Variants in PKP4 observed in about 807,000 individuals in gnomAD.
PKP4 encodes the protein plakophilin-4.
In PKP4, 90 loss-of-function variants were observed where a neutral mutation model predicts 145.1. The observed-to-expected ratio is 0.62, with a 90% confidence interval of 0.52 to 0.74. The LOEUF (loss-of-function observed/expected upper bound fraction) is 0.74, where lower values mean the gene tolerates loss of function less well. Ranked by LOEUF, PKP4 falls within the 30% of genes least tolerant of loss-of-function variation. The pLI, the probability that PKP4 is intolerant of heterozygous loss-of-function variation, is 0.00. For synonymous variants in PKP4, 563 were observed against 577.2 expected, an observed-to-expected ratio of 0.98 and a Z score of 0.35; for missense variants, 1,340 against 1,482.7, an observed-to-expected ratio of 0.90 and a Z score of 1.58.
chr2:158,597,765 T>C (rs1379512380), intron 3 of PKP4, among the ~76,000 whole-genome samples: 1 of 152,240 alleles, frequency 6.6e-6, no homozygotes, highest in Non-Finnish European at 1.5e-5. Flanking sequence ...GTTATATTCA[T>C]ATATAAATAT....
At chr2:158,648,037 T>C (rs1191036169) in intron 11 of PKP4, among the ~76,000 whole-genome samples, 1 of 152,204 alleles carries the variant, frequency 6.6e-6, no homozygotes, top group Non-Finnish European at 1.5e-5. Flanking sequence ...ATTGCACAAA[T>C]CTGGAGGCCT....
intron 1 of PKP4, among the ~76,000 whole-genome samples, chr2:158,532,185 G>A (rs1305295765): frequency 1.3e-5 from 2 of 152,188 alleles, no homozygotes; most frequent in African/African-American, 2.4e-5. Flanking sequence ...TAATAGTAGA[G>A]TAGTTTGCAA....
At chr2:158,593,407 G>A (rs1330910388) in intron 3 of PKP4, among the ~76,000 whole-genome samples, 1 of 152,070 alleles carries the variant, frequency 6.6e-6, no homozygotes, top group Non-Finnish European at 1.5e-5. Flanking sequence ...TTGTGGGATG[G>A]GCATAAACAG....
intron 2 of PKP4, among the ~76,000 whole-genome samples, chr2:158,544,693 A>G (rs2044824868): frequency 6.6e-6 from 1 of 152,292 alleles, no homozygotes; most frequent in East Asian, 1.9e-4. Context: ...GCTGTCATTC[A>G]GTTGTCTCTT....
In PKP4 at chr2:158,666,526, G is replaced by C; in HGVS notation, c.2691G>C (p.Arg897Ser). The C allele has an allele frequency of 1.2e-6, 2 of 1,613,380 alleles. No individual in the cohort carries two copies. The highest frequency in any genetic ancestry group is 1.7e-6 in the Non-Finnish European group (2 of 1,179,722). The change falls in exon 16 of 22, where the codon AGG becomes AGC. Residue 897 changes from arginine to serine, a missense_variant. Arg to Ser is a moderately radical substitution (Grantham distance 110). Transcript: ENST00000389759. ...RVVSSVATAL[R>S]NMALDVRNKE... ...TTTCTTCCGTGGCAACAGCCTTGAG[G>C]AATATGGCACTAGATGTTCGCAACA...
chr2:158,666,632 G>A, intron 16 of PKP4, 69 bp downstream of exon 16: 1 of 1,335,562 alleles, frequency 7.5e-7, no homozygotes. Flanking sequence ...CTCTTCTTTT[G>A]ATTAATAAAT....
chr2:158,609,881 T>G (rs1471810816), intron 4 of PKP4, among the ~76,000 whole-genome samples: 3 of 152,184 alleles, frequency 2.0e-5, no homozygotes, highest in Non-Finnish European at 4.4e-5. Context: ...GGTAGGACAT[T>G]TGAAAACAAA....
At chr2:158,622,962 AC>A (rs1459079681) in intron 6 of PKP4, among the ~76,000 whole-genome samples, 4 of 152,128 alleles carry the variant, frequency 2.6e-5, no homozygotes, top group Non-Finnish European at 5.9e-5. Flanking sequence ...TCATGTAAAC[AC>A]TTTTTTCTTT....
chr2:158,486,252 A>G (rs1311254411), intron 1 of PKP4, among the ~76,000 whole-genome samples: 1 of 152,200 alleles, frequency 6.6e-6, no homozygotes, highest in Non-Finnish European at 1.5e-5. Flanking sequence ...ATTATATTGT[A>G]TGAGGTATAG....
At chr2:158,546,903 A>G (rs1045592662) in intron 2 of PKP4, among the ~76,000 whole-genome samples, 8 of 152,174 alleles carry the variant, frequency 5.3e-5, no homozygotes, top group African/African-American at 1.9e-4. Flanking sequence ...AGGTACACAC[A>G]CTGGAAAGGA....
intron 15 of PKP4, among the ~76,000 whole-genome samples, chr2:158,664,861 C>A (rs1317459545): frequency 6.6e-6 from 1 of 152,156 alleles, no homozygotes; most frequent in Admixed American, 6.5e-5. Flanking sequence ...TGAGATACTC[C>A]CAGCACATAA....
Position 158,634,101 on chromosome 2 carries a change from C to T in PKP4, c.1374C>T (p.Ser458=). ...TTGGAAATCTACAAAGGACATCCAG[C>T]CAACGAAGTACCCTTACATACCAAA... ...VGIGNLQRTS[S]QRSTLTYQRN... The change falls in exon 9 of 22, where the codon AGC becomes AGT. Residue 458 remains serine (S), a synonymous_variant. Coordinates refer to ENST00000389759, the MANE Select transcript of PKP4 (RefSeq NM_003628.6). 2 of 1,613,134 alleles carry T rather than the reference C, an allele frequency of 1.2e-6. No homozygotes were observed. Among genetic ancestry groups the T allele is most frequent in the Non-Finnish European group, 1.7e-6 (2 of 1,179,078 alleles).
chr2:158,532,441 A>G (rs2043646879), intron 1 of PKP4, among the ~76,000 whole-genome samples: 1 of 152,230 alleles, frequency 6.6e-6, no homozygotes, highest in Admixed American at 6.5e-5. Context: ...TATGATAAAG[A>G]CTGTACTCAC....
At chr2:158,488,186 A>T (rs1449225958) in intron 1 of PKP4, among the ~76,000 whole-genome samples, 1 of 151,714 alleles carries the variant, frequency 6.6e-6, no homozygotes, top group African/African-American at 2.4e-5. Flanking sequence ...ACCAAATTAT[A>T]AAAAAAATTG....
intron 1 of PKP4, among the ~76,000 whole-genome samples, chr2:158,466,199 G>A (rs992464472): frequency 6.6e-6 from 1 of 152,104 alleles, no homozygotes; most frequent in Non-Finnish European, 1.5e-5. Flanking sequence ...TTGAATTCTA[G>A]TTTTGAACAC....
At chr2:158,552,392 C>T (rs2045708261) in intron 2 of PKP4, among the ~76,000 whole-genome samples, 1 of 152,172 alleles carries the variant, frequency 6.6e-6, no homozygotes, top group Non-Finnish European at 1.5e-5. Flanking sequence ...TAGGATGCTA[C>T]TACAGAGTTT....
chr2:158,549,294 C>T (rs2045375896), intron 2 of PKP4: 1 of 152,280 alleles, frequency 6.6e-6, no homozygotes, highest in Non-Finnish European at 1.5e-5. Flanking sequence ...ATTAAGTTTT[C>T]AGTATTATCA....
rs1467289782 is a variant in PKP4, at chr2:158,681,178, ATG to A, written c.*505_*506del. 1 of 153,450 alleles carries A rather than the reference ATG, an allele frequency of 6.5e-6. No individual in the cohort carries two copies. The highest frequency in any genetic ancestry group is 2.4e-5 in the African/African-American group (1 of 41,436). 9.5% of individuals were successfully genotyped at this position (153,450 alleles called of 1,614,324 possible). On this transcript the variant is annotated 3_prime_UTR_variant, in exon 22 of 22. Transcript: ENST00000389759. ...GTTAAGTGCCATCATTTGTAATGCA[ATG>A]TGTCACTTGAAAAGAGATTTGAAGA...
intron 1 of PKP4, among the ~76,000 whole-genome samples, chr2:158,507,410 TCA>T (rs1179540687): frequency 6.6e-6 from 1 of 152,224 alleles, no homozygotes; most frequent in Non-Finnish European, 1.5e-5. Context: ...GGTTTAGATA[TCA>T]CAGTGGTGAA....
Sources: gnomAD v4.1 joint callset for allele counts (sites outside exome capture counted in the v4.1 genomes callset) on GRCh38, gnomAD v4.1.1 for gene constraint, MANE v1.5 for transcripts, NCBI Gene and HGNC (gene_info 2026-07-23, HGNC 2026-07-21) for gene names.